Variants in PTGER3 observed in about 807,000 individuals in gnomAD.
PTGER3 encodes prostaglandin E2 receptor EP3 subtype.
A neutral mutation model predicts 34.7 loss-of-function variants in PTGER3; 22 were observed. That is an observed-to-expected ratio of 0.63 (90% CI 0.45 to 0.91). PTGER3 has a LOEUF of 0.91. Ranked by LOEUF, PTGER3 falls within the 40% of genes least tolerant of loss-of-function variation. PTGER3 has a pLI of 0.00. For synonymous variants in PTGER3, 241 were observed against 230.1 expected, an observed-to-expected ratio of 1.05 and a Z score of -0.43; for missense variants, 468 against 519.4, an observed-to-expected ratio of 0.90 and a Z score of 0.96.
chr1:71,006,392 A>G (rs1432568296), intron 2 of PTGER3: 1 of 985,338 alleles, frequency 1.0e-6, no homozygotes, highest in African/African-American at 1.7e-5. Flanking sequence ...ATGAACAAAT[A>G]GCTGGGGATC....
intron 4 of PTGER3, among the ~76,000 whole-genome samples, chr1:70,937,378 G>T (rs1399056348): frequency 1.3e-5 from 2 of 152,128 alleles, no homozygotes; most frequent in Non-Finnish European, 2.9e-5. Flanking sequence ...CTAGGTGTGG[G>T]GTTAAATTGA....
chr1:71,038,424 T>C (rs12731162), intron 1 of PTGER3, among the ~76,000 whole-genome samples: 1 of 152,234 alleles, frequency 6.6e-6, no homozygotes, highest in Non-Finnish European at 1.5e-5. Flanking sequence ...ATTTATCTTG[T>C]ATCTATATTG....
chr1:70,952,340 C>T, downstream of PTGER3: 1 of 881,056 alleles, frequency 1.1e-6, no homozygotes. Flanking sequence ...CCTTAAAGCC[C>T]CTTCTACTAC....
chr1:70,958,560 T>A (rs555797468), intron 2 of PTGER3, among the ~76,000 whole-genome samples: 4 of 152,332 alleles, frequency 2.6e-5, no homozygotes, highest in East Asian at 3.9e-4. Flanking sequence ...TTGAGTTTTT[T>A]ATATAATCAG....
chr1:71,004,062 G>A (rs1656724830), intron 2 of PTGER3, among the ~76,000 whole-genome samples: 1 of 152,082 alleles, frequency 6.6e-6, no homozygotes, highest in Admixed American at 6.6e-5. Flanking sequence ...CTCAATTGTG[G>A]ATTTCAGAAT....
chr1:71,027,238 A>G (rs1406866188), intron 1 of PTGER3, among the ~76,000 whole-genome samples: 3 of 151,914 alleles, frequency 2.0e-5, no homozygotes, highest in African/African-American at 7.3e-5. Context: ...ATCATAATTT[A>G]CTCACTGTAG....
intron 1 of PTGER3, among the ~76,000 whole-genome samples, chr1:71,025,835 A>G (rs2100924457): frequency 6.6e-6 from 1 of 152,330 alleles, no homozygotes; most frequent in African/African-American, 2.4e-5. Flanking sequence ...AACCCAGTTA[A>G]CATGGCTCTC....
intron 4 of PTGER3, among the ~76,000 whole-genome samples, chr1:70,918,029 A>G (rs1268334975): frequency 2.0e-5 from 3 of 151,980 alleles, no homozygotes; most frequent in Admixed American, 2.0e-4. Context: ...ACAGCTTGGT[A>G]CTGGCATAAA....
intron 4 of PTGER3, among the ~76,000 whole-genome samples, chr1:70,857,860 G>A (rs576012145): frequency 5.8e-4 from 88 of 152,098 alleles, no homozygotes; most frequent in African/African-American, 2.0e-3. Flanking sequence ...GCCCTTGTTC[G>A]CAAATAATTC....
chr1:71,023,969 T>TA, intron 1 of PTGER3, among the ~76,000 whole-genome samples: 2 of 151,972 alleles, frequency 1.3e-5, no homozygotes, highest in East Asian at 1.9e-4. Flanking sequence ...TGCTGCTGCT[T>TA]AAAAAAGATG....
chr1:70,943,847 G>GGAGAGAGA lies in PTGER3; in HGVS notation c.*23+9908_*23+9915dup, dbSNP rs60989903. Among the ~76,000 whole-genome samples the GGAGAGAGA allele has an allele frequency of 2.7e-3, 375 of 138,326 alleles. 6 individuals are homozygous for GGAGAGAGA. Among genetic ancestry groups the GGAGAGAGA allele is most frequent in the African/African-American group, 9.9e-3 (365 of 36,886 alleles). The allele number at this position is 138,326 out of a possible 152,430, so 90.7% of individuals were successfully genotyped here. ...TACAGATGTGAAAAGGGAGAGAGAG[G>GGAGAGAGA]GAGAGAGAGAGAGAGAGAGAGAGAG... On this transcript the variant is annotated intron_variant, in intron 4 of 4. Coordinates refer to the PTGER3 transcript ENST00000370931.
chr1:70,902,822 G>A (rs965678256), intron 4 of PTGER3, among the ~76,000 whole-genome samples: 1 of 152,140 alleles, frequency 6.6e-6, no homozygotes, highest in Non-Finnish European at 1.5e-5. Flanking sequence ...CTAGCAAGTG[G>A]CAGTTAGTGA....
chr1:70,862,337 T>C, intron 4 of PTGER3: 1 of 1,365,790 alleles, frequency 7.3e-7, no homozygotes, highest in Non-Finnish European at 9.8e-7. Flanking sequence ...AGATACTTCA[T>C]CCCAGGGTTA....
chr1:70,932,719 T>C (rs1206105534), intron 4 of PTGER3, among the ~76,000 whole-genome samples: 1 of 152,116 alleles, frequency 6.6e-6, no homozygotes, highest in Non-Finnish European at 1.5e-5. Context: ...CACGTGGGAA[T>C]TATGGGAGTA....
intron 1 of PTGER3, among the ~76,000 whole-genome samples, chr1:71,026,694 G>A (rs2100928323): frequency 6.6e-6 from 1 of 151,426 alleles, no homozygotes; most frequent in South Asian, 2.1e-4. Context: ...ACTTTGCTGT[G>A]GGACTTTGGT....
intron 4 of PTGER3, among the ~76,000 whole-genome samples, chr1:70,854,007 A>ATTG: frequency 6.6e-6 from 1 of 152,360 alleles, no homozygotes; most frequent in Middle Eastern, 3.4e-3. Context: ...ATAAGACCTT[A>ATTG]AAATATAAAA....
downstream of PTGER3, among the ~76,000 whole-genome samples, chr1:70,968,311 T>A (rs1652740832): frequency 6.6e-6 from 1 of 152,210 alleles, no homozygotes; most frequent in African/African-American, 2.4e-5. Flanking sequence ...TATGTTTGTT[T>A]CACATATGTA....
intron 4 of PTGER3, among the ~76,000 whole-genome samples, chr1:70,928,613 A>T (rs1648371943): frequency 6.6e-6 from 1 of 152,136 alleles, no homozygotes; most frequent in African/African-American, 2.4e-5. Context: ...AGCCTGGGTG[A>T]CAGAATGAAA....
At chr1:70,913,030 G>T (rs919688634) in intron 4 of PTGER3, among the ~76,000 whole-genome samples, 2 of 151,886 alleles carry the variant, frequency 1.3e-5, no homozygotes, top group Non-Finnish European at 2.9e-5. Flanking sequence ...TATAGAAAAT[G>T]CCTGCTGGGA....
Sources: allele counts gnomAD v4.1 joint callset (sites outside exome capture counted in the v4.1 genomes callset), GRCh38; gene constraint gnomAD v4.1.1; transcripts MANE v1.5; gene names NCBI Gene and HGNC (gene_info 2026-07-23, HGNC 2026-07-21).